Variants in RAD54L observed in about 807,000 individuals in gnomAD.
RAD54L encodes the protein DNA repair and recombination protein RAD54-like.
In RAD54L, 74 loss-of-function variants were observed where a neutral mutation model predicts 91.6. The ratio of observed to expected loss-of-function variants is 0.81; its 90% confidence interval spans 0.67 to 0.98. The LOEUF is 0.98. RAD54L is among the 50% of genes least tolerant of loss of function. The pLI is 0.00. For missense variants in RAD54L, 887 were observed against 945.7 expected, an observed-to-expected ratio of 0.94 and a Z score of 0.81; for synonymous variants, 304 against 349.7, an observed-to-expected ratio of 0.87 and a Z score of 1.46.
At chr1:46,251,834 T>C (rs538225255) in intron 3 of RAD54L, among the ~76,000 whole-genome samples, 3 of 152,118 alleles carry the variant, frequency 2.0e-5, no homozygotes, top group East Asian at 3.9e-4. Flanking sequence ...CACTTGAGCT[T>C]AGGAGGTGGA....
At chr1:46,261,435 T>C (rs1306314275) in intron 8 of RAD54L, 50 bp downstream of exon 8, 1 of 1,609,396 alleles carries the variant, frequency 6.2e-7, no homozygotes, top group Non-Finnish European at 8.5e-7. Context: ...TGTCAAAATC[T>C]CTTCACTGAG....
chr1:46,249,408 G>A (rs1659739211), intron 2 of RAD54L, among the ~76,000 whole-genome samples: 1 of 152,184 alleles, frequency 6.6e-6, no homozygotes, highest in South Asian at 2.1e-4. Context: ...TTGTACCGTG[G>A]TGTGCAAGGG....
intron 10 of RAD54L, 131 bp downstream of exon 10, chr1:46,270,916 A>T (rs1474124445): frequency 1.7e-6 from 2 of 1,205,620 alleles, no homozygotes; most frequent in Non-Finnish European, 2.4e-6. Context: ...TGTCCTAACT[A>T]TGGCCACTGA....
chr1:46,262,070 T>C (rs535570060), intron 8 of RAD54L, among the ~76,000 whole-genome samples: 9 of 150,808 alleles, frequency 6.0e-5, no homozygotes, highest in African/African-American at 1.2e-4. Context: ...TAAGCTGAGA[T>C]TGCGCCACTG....
chr1:46,261,151 G>GTGGAGTCAGT, intron 7 of RAD54L, 110 bp from the exon 8 acceptor site: 5 of 1,547,764 alleles, frequency 3.2e-6, no homozygotes, highest in South Asian at 1.1e-5. Context: ...AATAGTTGAA[G>GTGGAGTCAGT]TGGAGTCAGT....
rs1175140043 is a variant in RAD54L at position 46,278,313 on chromosome 1, G to A, written c.*31G>A. 2 of 1,583,848 alleles carry A rather than the reference G, an allele frequency of 1.3e-6. No individual in the cohort carries two copies. The highest frequency in any genetic ancestry group is 2.3e-5 in the East Asian group (1 of 43,728). ...AGCTGGTCTGGGTGTAGCTCTTAGA[G>A]GAAGGAGATAGGGAAAAGGGGCTCC... is the stretch of plus-strand genomic sequence containing the variant. On this transcript the variant is annotated 3_prime_UTR_variant, in exon 18 of 18. Transcript: ENST00000371975.
intron 15 of RAD54L, 105 bp downstream of exon 15, chr1:46,274,321 C>A: frequency 1.6e-6 from 2 of 1,274,330 alleles, no homozygotes; most frequent in Non-Finnish European, 2.3e-6. Flanking sequence ...TTTTTTAATT[C>A]CCCTAGTGGA....
intron 10 of RAD54L, among the ~76,000 whole-genome samples, chr1:46,271,206 A>C (rs558037471): frequency 6.6e-6 from 1 of 152,172 alleles, no homozygotes; most frequent in East Asian, 1.9e-4. Flanking sequence ...GGCTAAGGGG[A>C]CTGACTTTTT....
At position 46,278,061 on chromosome 1, in the gene RAD54L, T is replaced by A. The variant is rs769967899; in HGVS notation, c.2034-11T>A. Reference sequence around the variant, plus strand: ...ATCTGTAGTGACTTCAGCTGTGCCTTCTGTCCCTAGGTTGCACTGCCGACG... The same window carrying A: ...ATCTGTAGTGACTTCAGCTGTGCCTACTGTCCCTAGGTTGCACTGCCGACG... On this transcript the variant is annotated splice_polypyrimidine_tract_variant and intron_variant, in intron 17 of 17. Coordinates refer to ENST00000371975, the MANE Select transcript of RAD54L (RefSeq NM_003579.4). 2 of 1,614,146 alleles carry A rather than the reference T, an allele frequency of 1.2e-6. No homozygotes were observed. Among genetic ancestry groups the A allele is most frequent in the East Asian group, 4.5e-5 (2 of 44,888 alleles).
Position 46,250,929 on chromosome 1 carries a change from C to T in RAD54L, c.210+810C>T, listed in dbSNP as rs1235254544. On this transcript the variant is annotated intron_variant, in intron 3 of 17. Coordinates refer to ENST00000371975, the MANE Select transcript of RAD54L (RefSeq NM_003579.4). ...GAGGTTGCAGTGAGTCAAGATCACG[C>T]CACTGCACTCCAGCCTGGGCAAGAG... Among the ~76,000 whole-genome samples, 11 of 151,492 alleles carry T rather than the reference C, an allele frequency of 7.3e-5. No individual in the cohort carries two copies. The East Asian group carries it at 2.1e-3, about 29-fold the overall frequency.
rs2148301439 is a variant in RAD54L at position 46,273,414 on chromosome 1, G to C, written c.1435G>C (p.Asp479His). Reference sequence around the variant, plus strand: ...GGAGGATGGCTTTGTGGGTGCCTTGGACCTCTTCCCTCCTGGTTACAGCTC... The same window carrying C: ...GGAGGATGGCTTTGTGGGTGCCTTGCACCTCTTCCCTCCTGGTTACAGCTC... The part of the protein sequence containing the change: ...EEEDGFVGAL[D>H]LFPPGYSSKA... The change falls in exon 13 of 18, where the codon GAC becomes CAC. Residue 479 changes from aspartate to histidine, a missense_variant. Asp to His is a moderately conservative substitution (Grantham distance 81). Coordinates refer to ENST00000371975, the MANE Select transcript of RAD54L (RefSeq NM_003579.4). The C allele has an allele frequency of 6.2e-7, 1 of 1,614,116 alleles. No individual in the cohort carries two copies. The highest frequency in any genetic ancestry group is 8.5e-7 in the Non-Finnish European group (1 of 1,179,972).
intron 5 of RAD54L, among the ~76,000 whole-genome samples, 157 bp from the exon 6 acceptor site, chr1:46,260,385 A>C (rs2295465): frequency 0.11 from 17,478 of 152,130 alleles, 1,407 homozygotes; most frequent in South Asian, 0.4. Context: ...TCTAACTCCT[A>C]AAGTAGGAAC....
At position 46,277,963 on chromosome 1, in the gene RAD54L, C is replaced by A; in HGVS notation, c.2016C>A (p.Leu672=). The change falls in exon 17 of 18, where the codon CTC becomes CTA. Residue 672 remains leucine, a synonymous_variant. Coordinates refer to ENST00000371975, the MANE Select transcript of RAD54L (RefSeq NM_003579.4). ...KELFILDEAS[L]SDTHDRLHCR... is the part of the protein sequence containing the mutation. ...TGTTTATCCTGGATGAAGCTAGCCT[C>A]AGTGACACACATGACAGGTGGGGAA... 6.2e-7 allele frequency: 1 copy of A among 1,614,160 alleles called. No individual in the cohort carries two copies. The highest frequency in any genetic ancestry group is 8.5e-7 in the Non-Finnish European group (1 of 1,180,036).
chr1:46,257,698 C>T (rs1033687777), intron 3 of RAD54L, among the ~76,000 whole-genome samples: 1 of 152,334 alleles, frequency 6.6e-6, no homozygotes. Context: ...GCTTCTCTCT[C>T]ATGTCCCTTT....
chr1:46,248,147 C>G lies in RAD54L; in HGVS notation c.-259C>G. On this transcript the variant is annotated 5_prime_UTR_variant, in exon 1 of 18. Transcript: ENST00000371975. ...CACCTGCCTCCTCCCCAATCCCACACTAATCTCTGCTTGGTCTCTTCCTCT... is the reference window on the plus strand; with the variant it reads ...CACCTGCCTCCTCCCCAATCCCACAGTAATCTCTGCTTGGTCTCTTCCTCT... 1.7e-6 allele frequency: 1 copy of G among 590,234 alleles called. No homozygotes were observed. The highest frequency in any genetic ancestry group is 3.1e-6 in the Non-Finnish European group (1 of 325,460). The allele number at this position is 590,234 out of a possible 1,614,324, so 36.6% of individuals were successfully genotyped here.
chr1:46,274,655 G>A lies in RAD54L; in HGVS notation c.1807G>A (p.Ala603Thr). The A allele has an allele frequency of 6.2e-7, 1 of 1,614,142 alleles. No homozygotes were observed. Residue 603 changes from alanine to threonine, a missense_variant, in exon 16 of 18, where the codon GCC becomes ACC. Transcript: ENST00000371975. ...CTGGAACCCAGCCAATGATGAACAA[G>A]CCATGGCCCGGGTCTGGCGAGATGG... ...PDWNPANDEQ[A>T]MARVWRDGQK...
chr1:46,262,176 G>A (rs1163591307), intron 8 of RAD54L, among the ~76,000 whole-genome samples: 3 of 152,200 alleles, frequency 2.0e-5, no homozygotes, highest in Non-Finnish European at 1.5e-5. Context: ...CACTTTGGGA[G>A]GCTGAGGCGG....
At chr1:46,262,201 CAGG>C (rs1342467581) in intron 8 of RAD54L, among the ~76,000 whole-genome samples, 17 of 151,960 alleles carry the variant, frequency 1.1e-4, no homozygotes, top group African/African-American at 4.1e-4. Flanking sequence ...ATCATGCGGT[CAGG>C]AGTTTGAGAC....
At chr1:46,271,797 G>T (rs1006219858) in intron 10 of RAD54L, among the ~76,000 whole-genome samples, 1 of 152,104 alleles carries the variant, frequency 6.6e-6, no homozygotes, top group African/African-American at 2.4e-5. Flanking sequence ...GTAGCAGCGG[G>T]CATTTGGACA....
Sources: allele counts gnomAD v4.1 joint callset (sites outside exome capture counted in the v4.1 genomes callset), GRCh38; gene constraint gnomAD v4.1.1; transcripts MANE v1.5; gene names NCBI Gene and HGNC (gene_info 2026-07-23, HGNC 2026-07-21).